Variants in ATL1 observed in about 807,000 individuals in gnomAD.
The protein encoded by ATL1 is atlastin GTPase 1.
In ATL1, 31 loss-of-function variants were observed where a neutral mutation model predicts 75.5. The observed-to-expected ratio is 0.41, with a 90% confidence interval of 0.31 to 0.55. ATL1 has a LOEUF of 0.55. Among genes scored for constraint, ATL1 ranks in the 20% least tolerant of loss-of-function variants. The probability of loss-of-function intolerance (pLI) is 0.27; values close to 1 mark genes in which losing one functional copy is unlikely to be tolerated. For synonymous variants in ATL1, 226 were observed against 233.3 expected (o/e 0.97, Z 0.28); for missense variants, 405 against 662.6 (o/e 0.61, Z 4.27).
intron 1 of ATL1, among the ~76,000 whole-genome samples, chr14:50,577,697 T>C (rs2039018479): frequency 6.6e-6 from 1 of 152,178 alleles, no homozygotes; most frequent in Non-Finnish European, 1.5e-5. Context: ...TAACCACCAA[T>C]CTACTTTCTG....
chr14:50,569,553 A>G (rs146673623), intron 1 of ATL1, among the ~76,000 whole-genome samples: 5 of 152,350 alleles, frequency 3.3e-5, no homozygotes, highest in African/African-American at 9.6e-5. Context: ...CTCTTAAACC[A>G]TATAGAATAC....
chr14:50,623,700 T>A (rs370828110), intron 11 of ATL1, among the ~76,000 whole-genome samples: 10 of 152,140 alleles, frequency 6.6e-5, no homozygotes, highest in Admixed American at 5.2e-4. Flanking sequence ...TTAGGATGGA[T>A]CTAATAATTA....
At chr14:50,607,648 T>C (rs2039327895) in intron 6 of ATL1, among the ~76,000 whole-genome samples, 1 of 152,092 alleles carries the variant, frequency 6.6e-6, no homozygotes, top group South Asian at 2.1e-4. Context: ...AGAAACTGAT[T>C]ACATGTATTA....
Position 50,565,703 on chromosome 14 carries a change from C to A in ATL1, c.34+5404C>A, listed in dbSNP as rs144195456. ...TTTGCTGCATTTCAGACTCTGCAGA[C>A]TTTATTATCTTTAGAATCAGTGGCT... On this transcript the variant is annotated intron_variant, in intron 1 of 13. Transcript: ENST00000358385. Among the ~76,000 whole-genome samples, 31 of 152,244 alleles carry A rather than the reference C, an allele frequency of 2.0e-4. 1 individual carries two copies. The highest frequency in any genetic ancestry group is 3.9e-4 in the African/African-American group (16 of 41,524).
intron 6 of ATL1, among the ~76,000 whole-genome samples, chr14:50,606,945 A>G (rs2039321635): frequency 6.6e-6 from 1 of 152,082 alleles, no homozygotes; most frequent in Non-Finnish European, 1.5e-5. Flanking sequence ...TATCAAGTGA[A>G]TGTACTTCCA....
chr14:50,578,273 A>G (rs1252386934), intron 1 of ATL1, among the ~76,000 whole-genome samples: 1 of 152,182 alleles, frequency 6.6e-6, no homozygotes, highest in Non-Finnish European at 1.5e-5. Flanking sequence ...TATGTAAGTC[A>G]TGGTTAATAG....
At chr14:50,572,332 A>G (rs536118104) in intron 1 of ATL1, among the ~76,000 whole-genome samples, 2 of 152,282 alleles carry the variant, frequency 1.3e-5, no homozygotes, top group South Asian at 4.1e-4. Flanking sequence ...CTAGTCTATT[A>G]AACCTCCTGG....
chr14:50,578,109 G>T (rs185254372), intron 1 of ATL1, among the ~76,000 whole-genome samples: 1 of 152,058 alleles, frequency 6.6e-6, no homozygotes, highest in Admixed American at 6.5e-5. Flanking sequence ...AATGATTTCT[G>T]TATTTTTAAA....
intron 1 of ATL1, among the ~76,000 whole-genome samples, chr14:50,548,754 C>T (rs1303582206): frequency 6.6e-6 from 1 of 152,126 alleles, no homozygotes; most frequent in Non-Finnish European, 1.5e-5. Context: ...TTGTGATCCG[C>T]CTGCCTCAGC....
intron 1 of ATL1, among the ~76,000 whole-genome samples, chr14:50,551,714 T>C (rs1213925849): frequency 6.6e-6 from 1 of 152,154 alleles, no homozygotes; most frequent in Non-Finnish European, 1.5e-5. Context: ...TCAGGGATGG[T>C]TTAACATATG....
intron 10 of ATL1, 67 bp downstream of exon 10, chr14:50,621,966 A>G: frequency 9.8e-7 from 1 of 1,024,750 alleles, no homozygotes. Context: ...GCTGTCAGAA[A>G]TAACCAAATA....
chr14:50,574,937 G>GTATATATATATATATATATATATA (rs71118894), intron 1 of ATL1, among the ~76,000 whole-genome samples: 1 of 23,156 alleles, frequency 4.3e-5, no homozygotes, highest in Non-Finnish European at 7.8e-5. Flanking sequence ...GTGTGTGTGT[G>GTATATATATATATATATATATATA]TATATATATA....
intron 6 of ATL1, among the ~76,000 whole-genome samples, chr14:50,601,174 A>G (rs2039268842): frequency 6.6e-6 from 1 of 152,176 alleles, no homozygotes; most frequent in Non-Finnish European, 1.5e-5. Flanking sequence ...TAACTCTGAA[A>G]TACAGTACAA....
At chr14:50,578,942 T>G (rs1443690095) in intron 1 of ATL1, among the ~76,000 whole-genome samples, 2 of 152,228 alleles carry the variant, frequency 1.3e-5, no homozygotes, top group African/African-American at 4.8e-5. Flanking sequence ...AGTACAAGTT[T>G]ACATCTGAAC....
intron 1 of ATL1, among the ~76,000 whole-genome samples, chr14:50,579,593 T>TG (rs2039037745): frequency 6.6e-6 from 1 of 152,230 alleles, no homozygotes; most frequent in Non-Finnish European, 1.5e-5. Flanking sequence ...TATTGATCAA[T>TG]GGGAAGCATC....
At chr14:50,602,266 T>C (rs1247003511) in intron 6 of ATL1, among the ~76,000 whole-genome samples, 2 of 152,186 alleles carry the variant, frequency 1.3e-5, no homozygotes, top group African/African-American at 4.8e-5. Flanking sequence ...GTGTGTGTGC[T>C]TGTCACTCTT....
chr14:50,537,636 T>G (rs1037851968), intron 1 of ATL1, among the ~76,000 whole-genome samples: 3 of 152,240 alleles, frequency 2.0e-5, no homozygotes, highest in East Asian at 1.9e-4. Flanking sequence ...GGGGCAGAGC[T>G]GCCCAAGACC....
At chr14:50,607,714 G>A (rs139169810) in intron 6 of ATL1, among the ~76,000 whole-genome samples, 2 of 152,062 alleles carry the variant, frequency 1.3e-5, no homozygotes, top group East Asian at 3.9e-4. Context: ...AGTCTTTCCC[G>A]GTGAGTGTAG....
intron 3 of ATL1, 35 bp from the exon 4 acceptor site, chr14:50,591,500 A>G (rs1278113062): frequency 7.1e-7 from 1 of 1,417,388 alleles, no homozygotes; most frequent in Non-Finnish European, 1.0e-6. Flanking sequence ...TAGATGTTCT[A>G]TAAAATATCA....
Sources: gnomAD v4.1 joint callset for allele counts (sites outside exome capture counted in the v4.1 genomes callset) on GRCh38, gnomAD v4.1.1 for gene constraint, MANE v1.5 for transcripts, NCBI Gene and HGNC (gene_info 2026-07-23, HGNC 2026-07-21) for gene names.